Variants in FRMPD1 observed in about 807,000 individuals in gnomAD.
FRMPD1 encodes the protein FERM and PDZ domain containing 1.
In FRMPD1, 76 loss-of-function variants were observed where a neutral mutation model predicts 117.8. That is an observed-to-expected ratio of 0.65 (90% CI 0.54 to 0.78). The LOEUF (loss-of-function observed/expected upper bound fraction) is 0.78, where lower values mean the gene tolerates loss of function less well. Ranked by LOEUF, FRMPD1 falls within the 30% of genes least tolerant of loss-of-function variation. The probability of loss-of-function intolerance (pLI) is 0.00; values close to 1 mark genes in which losing one functional copy is unlikely to be tolerated. For missense variants in FRMPD1, 1,786 were observed against 1,964.5 expected (o/e 0.91, Z 1.72); for synonymous variants, 783 against 770.4 (o/e 1.02, Z -0.27).
intron 2 of FRMPD1, among the ~76,000 whole-genome samples, chr9:37,696,205 A>G (rs1349826311): frequency 6.6e-6 from 1 of 151,158 alleles, no homozygotes; most frequent in Non-Finnish European, 1.5e-5. Flanking sequence ...TTTAAACATC[A>G]CCTTCTTTAA....
At chr9:37,635,091 TCTTCAGA>T in the FRMPD1 span, among the ~76,000 whole-genome samples, 1 of 152,252 alleles carries the variant, frequency 6.6e-6, no homozygotes, top group African/African-American at 2.4e-5. Flanking sequence ...TCATTCTTAC[TCTTCAGA>T]TACTATTGAA....
At chr9:37,608,386 CTT>C in the FRMPD1 span, among the ~76,000 whole-genome samples, 20 of 148,776 alleles carry the variant, frequency 1.3e-4, no homozygotes, top group Non-Finnish European at 1.9e-4. Context: ...CTCTTTCTTT[CTT>C]TTTTTTTTTC....
chr9:37,745,535 C>T lies in FRMPD1; in HGVS notation c.3503C>T (p.Thr1168Ile). Residue 1168 changes from threonine to isoleucine, a missense_variant, in exon 16 of 16, where the codon ACA becomes ATA. By Grantham distance (89) the Thr-to-Ile change is moderately conservative (BLOSUM62 -1). Transcript: ENST00000377765. ...TCCCTTTCTTTAGATGCTCCTGTAACAGGGACCGAGCAGATCCCACCACAT... is the reference window on the plus strand; with the variant it reads ...TCCCTTTCTTTAGATGCTCCTGTAATAGGGACCGAGCAGATCCCACCACAT... ...VTSLSLDAPV[T>I]GTEQIPPHPP... The T allele has an allele frequency of 1.9e-6, 3 of 1,614,088 alleles. No individual in the cohort carries two copies. Among genetic ancestry groups the T allele is most frequent in the Non-Finnish European group, 2.5e-6 (3 of 1,179,966 alleles).
At position 37,734,370 on chromosome 9, in the gene FRMPD1, T is replaced by G. The variant is rs533977581; in HGVS notation, c.1218+545T>G. ...TTGACTGCCAAGCTGAGTCTCTGATTGTTCAGAAGGGAGGAATGAGGGGTG... is the reference window on the plus strand; with the variant it reads ...TTGACTGCCAAGCTGAGTCTCTGATGGTTCAGAAGGGAGGAATGAGGGGTG... On this transcript the variant is annotated intron_variant, in intron 12 of 15. Coordinates refer to ENST00000377765, the MANE Select transcript of FRMPD1 (RefSeq NM_014907.3). Among the ~76,000 whole-genome samples, 170 of 152,206 alleles carry G rather than the reference T, an allele frequency of 1.1e-3. 1 individual carries two copies. The highest frequency in any genetic ancestry group is 4.0e-3 in the African/African-American group (166 of 41,534).
At chr9:37,622,429 C>T in the FRMPD1 span, among the ~76,000 whole-genome samples, 1 of 152,320 alleles carries the variant, frequency 6.6e-6, no homozygotes, top group African/African-American at 2.4e-5. Context: ...TCTTGAGCAT[C>T]CCAGAGGGTC....
At chr9:37,694,042 A>G (rs7028496) in intron 2 of FRMPD1, among the ~76,000 whole-genome samples, 59,584 of 152,060 alleles carry the variant, frequency 0.39, 12,029 homozygotes, top group East Asian at 0.56. Flanking sequence ...TGTGAGGTCC[A>G]GGAAAGTATT....
intron 5 of FRMPD1, among the ~76,000 whole-genome samples, chr9:37,717,675 C>T (rs1823210461): frequency 6.6e-6 from 1 of 152,148 alleles, no homozygotes; most frequent in African/African-American, 2.4e-5. Flanking sequence ...CCACTGCACG[C>T]AGCCTGATTT....
chr9:37,689,443 C>T (rs1183152551), intron 1 of FRMPD1, among the ~76,000 whole-genome samples: 1 of 152,110 alleles, frequency 6.6e-6, no homozygotes, highest in Non-Finnish European at 1.5e-5. Context: ...CTCCAACAGC[C>T]TCTCAGTGAA....
chr9:37,651,252 CG>C (rs1485599315), intron 1 of FRMPD1, among the ~76,000 whole-genome samples, 158 bp downstream of exon 1: 1 of 152,204 alleles, frequency 6.6e-6, no homozygotes, highest in Non-Finnish European at 1.5e-5. Context: ...AAGCCCGGCT[CG>C]GGGGCGCGTC....
chr9:37,743,270 T>G lies in FRMPD1; in HGVS notation c.2357-1119T>G, dbSNP rs75745674. Among the ~76,000 whole-genome samples, 498 of 152,340 alleles carry G rather than the reference T, an allele frequency of 3.3e-3. 5 individuals are homozygous for G. The highest frequency in any genetic ancestry group is 0.011 in the African/African-American group (465 of 41,574). Reference sequence around the variant, plus strand: ...AATACCTAATGAGGCAGAGGCCTTGTGCTGGGTGCTTTATAAAAATGCACT... The same window carrying G: ...AATACCTAATGAGGCAGAGGCCTTGGGCTGGGTGCTTTATAAAAATGCACT... On this transcript the variant is annotated intron_variant, in intron 15 of 15. Coordinates refer to ENST00000377765, the MANE Select transcript of FRMPD1 (RefSeq NM_014907.3).
At position 37,733,890 on chromosome 9, in the gene FRMPD1, A is replaced by G. The variant is rs1038009068; in HGVS notation, c.1218+65A>G. 24 of 930,880 alleles carry G rather than the reference A, an allele frequency of 2.6e-5. 1 individual carries two copies. Among genetic ancestry groups the G allele is most frequent in the East Asian group, 2.4e-5 (1 of 41,792 alleles). The allele number at this position is 930,880 out of a possible 1,614,324, so 57.7% of individuals were successfully genotyped here. A position where few individuals can be genotyped will look rare whatever the true frequency, so the allele number is the denominator to read the frequency against. On this transcript the variant is annotated intron_variant, in intron 12 of 15. Coordinates refer to ENST00000377765, the MANE Select transcript of FRMPD1 (RefSeq NM_014907.3). The stretch of plus-strand genomic sequence containing the variant: ...GACCTTAGAGATCCTCTGAAAATCA[A>G]TGTGTCTTTTAGCCTAAAATTCCTG...
intron 2 of FRMPD1, among the ~76,000 whole-genome samples, chr9:37,697,637 T>C (rs148139078): frequency 6.6e-6 from 1 of 152,254 alleles, no homozygotes; most frequent in Non-Finnish European, 1.5e-5. Context: ...TGTTTTGAAT[T>C]TCTGTGTAAA....
chr9:37,737,682 G>A (rs1824196832), intron 14 of FRMPD1, among the ~76,000 whole-genome samples: 1 of 152,060 alleles, frequency 6.6e-6, no homozygotes, highest in Non-Finnish European at 1.5e-5. Context: ...AATTAGCCGA[G>A]CATGGTGGCA....
chr9:37,605,430 C>T, the FRMPD1 span, among the ~76,000 whole-genome samples: 2 of 152,146 alleles, frequency 1.3e-5, no homozygotes, highest in African/African-American at 2.4e-5. Context: ...CCAGAGCTGA[C>T]GGAGATGAGA....
intron 5 of FRMPD1, among the ~76,000 whole-genome samples, chr9:37,717,950 A>G (rs1309364680): frequency 6.6e-6 from 1 of 152,132 alleles, no homozygotes; most frequent in Admixed American, 6.6e-5. Context: ...TATTCCTCCT[A>G]TCCCTTCTGT....
Position 37,737,625 on chromosome 9 carries a change from A to T in FRMPD1, c.1549+382A>T, listed in dbSNP as rs537398196. ...GATCACCTGAGGCCAGGAGTTTGAG[A>T]CCAGCCTGGCCAACATGGTGAAACC... is the stretch of plus-strand genomic sequence containing the variant. On this transcript the variant is annotated intron_variant, in intron 14 of 15. Transcript: ENST00000377765. Among the ~76,000 whole-genome samples the T allele has an allele frequency of 1.3e-3, 201 of 152,168 alleles. 1 individual carries two copies. The highest frequency in any genetic ancestry group is 4.6e-3 in the African/African-American group (193 of 41,524).
the FRMPD1 span, among the ~76,000 whole-genome samples, chr9:37,609,292 C>CAA: frequency 0.014 from 1,662 of 118,098 alleles, 46 homozygotes; most frequent in African/African-American, 0.047. Flanking sequence ...AACTCCGTCT[C>CAA]AAAAAAAAAA....
chr9:37,679,757 A>G (rs1035148759), intron 1 of FRMPD1, among the ~76,000 whole-genome samples: 2 of 152,224 alleles, frequency 1.3e-5, no homozygotes, highest in Non-Finnish European at 2.9e-5. Flanking sequence ...TCCAGTTGGG[A>G]GCAGAGCAGG....
Position 37,674,024 on chromosome 9 carries a change from A to T in FRMPD1, c.-4-18614A>T, listed in dbSNP as rs1263269322. Among the ~76,000 whole-genome samples the T allele has an allele frequency of 2.6e-5, 4 of 152,208 alleles. No homozygotes were observed. In the East Asian group the frequency reaches 7.7e-4, roughly 29 times the overall value. ...ATTAACATTAGGCTCCTTGCTACTT[A>T]TGCAGATTTCTGAAGCTGGCTTGAA... is the stretch of plus-strand genomic sequence containing the variant. On this transcript the variant is annotated intron_variant, in intron 1 of 15. Coordinates refer to ENST00000377765, the MANE Select transcript of FRMPD1 (RefSeq NM_014907.3).
Sources: allele counts gnomAD v4.1 joint callset (sites outside exome capture counted in the v4.1 genomes callset), GRCh38; gene constraint gnomAD v4.1.1; transcripts MANE v1.5; gene names NCBI Gene and HGNC (gene_info 2026-07-23, HGNC 2026-07-21).